Variants in STON2 observed in about 807,000 individuals in gnomAD.
STON2 encodes the protein stonin 2, also known as stonin-2.
In STON2, 29 loss-of-function variants were observed where a neutral mutation model predicts 65.7. The ratio of observed to expected loss-of-function variants is 0.44; its 90% CI spans 0.33 to 0.60. The LOEUF is 0.60. Among genes scored for constraint, STON2 ranks in the 20% least tolerant of loss-of-function variants. The pLI is 0.03. For synonymous variants in STON2, 404 were observed against 414.2 expected (o/e 0.98, Z 0.30); for missense variants, 1,054 against 1,118.1 (o/e 0.94, Z 0.82).
Position 81,262,892 on chromosome 14 carries a change from AAT to A in STON2, c.*5520_*5521del. ...TCACGTTTAATTCCTTAAACACATA[AAT>A]ATGAGTCATGATATCTAAAGCCAGT... On this transcript the variant is annotated 3_prime_UTR_variant, in exon 8 of 8. Coordinates refer to ENST00000614646, the MANE Select transcript of STON2 (RefSeq NM_001394390.1). The A allele has an allele frequency of 1.0e-6, 1 of 985,464 alleles. No homozygotes were observed. Among genetic ancestry groups the A allele is most frequent in the Non-Finnish European group, 1.2e-6 (1 of 829,928 alleles). The allele number at this position is 985,464 out of a possible 1,614,324, so 61.0% of individuals were successfully genotyped here. A position where few individuals can be genotyped will look rare whatever the true frequency, so the allele number is the denominator to read the frequency against.
chr14:81,362,430 C>A (rs1185354007), intron 4 of STON2, among the ~76,000 whole-genome samples: 1 of 152,078 alleles, frequency 6.6e-6, no homozygotes, highest in African/African-American at 2.4e-5. Flanking sequence ...GAATGTAGAA[C>A]AATCAAACTC....
At chr14:81,299,725 G>C (rs993264917) in intron 5 of STON2, among the ~76,000 whole-genome samples, 3 of 151,972 alleles carry the variant, frequency 2.0e-5, no homozygotes, top group African/African-American at 7.2e-5. Context: ...TAAAAATATT[G>C]TTTACTATAG....
Position 81,261,626 on chromosome 14 carries a change from C to A in STON2, c.*6788G>T. 1.4e-6 allele frequency: 1 copy of A among 731,558 alleles called. No homozygotes were observed. 45.3% of individuals were successfully genotyped at this position (731,558 alleles called of 1,614,324 possible). A position where few individuals can be genotyped will look rare whatever the true frequency, so the allele number is the denominator to read the frequency against. The stretch of plus-strand genomic sequence containing the variant: ...AGGATGTTTACTGAGTGTCCTCCTT[C>A]AATTTTCACAATATTTTATACAAAA... On this transcript the variant is annotated 3_prime_UTR_variant, in exon 8 of 8. Coordinates refer to ENST00000614646, the MANE Select transcript of STON2 (RefSeq NM_001394390.1).
At chr14:81,300,888 G>A (rs891450563) in intron 5 of STON2, among the ~76,000 whole-genome samples, 2 of 152,128 alleles carry the variant, frequency 1.3e-5, no homozygotes, top group African/African-American at 4.8e-5. Flanking sequence ...AATGTTCACA[G>A]CAGCTTTATT....
At chr14:81,426,357 C>T (rs1395056609) in intron 2 of STON2, among the ~76,000 whole-genome samples, 1 of 152,216 alleles carries the variant, frequency 6.6e-6, no homozygotes, top group African/African-American at 2.4e-5. Context: ...CTCGAGCCAG[C>T]TTGAATTTCC....
chr14:81,422,234 G>C (rs1901740194), intron 2 of STON2, among the ~76,000 whole-genome samples: 1 of 152,130 alleles, frequency 6.6e-6, no homozygotes, highest in Non-Finnish European at 1.5e-5. Flanking sequence ...ACAGGAGTGA[G>C]TGAGTTCTCA....
At position 81,278,533 on chromosome 14, in the gene STON2, A is replaced by T; in HGVS notation, c.949T>A (p.Ser317Thr). 6.2e-7 allele frequency: 1 copy of T among 1,613,822 alleles called. No homozygotes were observed. Among genetic ancestry groups the T allele is most frequent in the Non-Finnish European group, 8.5e-7 (1 of 1,179,846 alleles). Residue 317 changes from serine to threonine, a missense_variant, in exon 6 of 8, where the codon TCT (serine) becomes ACT (threonine). Ser to Thr is a moderately conservative substitution (Grantham distance 58). Coordinates refer to ENST00000614646, the MANE Select transcript of STON2 (RefSeq NM_001394390.1). ...PLKPNTPPSASVIPDVPYNSM... is the reference protein window; with the variant it reads ...PLKPNTPPSATVIPDVPYNSM... ...TTATAAGGTACATCTGGGATCACAGATGCACTTGGTGGTGTATTTGGCTTC... is the reference window on the plus strand; with the variant it reads ...TTATAAGGTACATCTGGGATCACAGTTGCACTTGGTGGTGTATTTGGCTTC...
At chr14:81,279,578 C>T (rs140550038) in intron 5 of STON2, among the ~76,000 whole-genome samples, 1,522 of 152,074 alleles carry the variant, frequency 0.01, 29 homozygotes, top group African/African-American at 0.035. Context: ...GTTATCCCAG[C>T]GGCTTGGGAG....
intron 3 of STON2, among the ~76,000 whole-genome samples, chr14:81,380,886 T>A (rs1473679639): frequency 6.6e-6 from 1 of 152,138 alleles, no homozygotes; most frequent in Non-Finnish European, 1.5e-5. Context: ...GCTGATTACC[T>A]GGGTGAAAAA....
At position 81,396,117 on chromosome 14, in the gene STON2, G is replaced by A. The variant is rs770138799; in HGVS notation, c.150C>T (p.Ser50=). The A allele has an allele frequency of 5.5e-5, 89 of 1,614,000 alleles. No homozygotes were observed. The highest frequency in any genetic ancestry group is 3.5e-4 in the South Asian group (32 of 91,082). The change falls in exon 3 of 8, where the codon TCC becomes TCT. Residue 50 remains serine, a synonymous_variant. Coordinates refer to ENST00000614646, the MANE Select transcript of STON2 (RefSeq NM_001394390.1). The part of the protein sequence containing the change: ...SSSPDQSESS[S]GENHVVDGGS... Reference sequence around the variant, plus strand: ...CTCCATCCACCACATGGTTCTCCCCGGAGGAGCTCTCGGACTGGTCTGGGG... The same window carrying A: ...CTCCATCCACCACATGGTTCTCCCCAGAGGAGCTCTCGGACTGGTCTGGGG...
At chr14:81,419,811 C>T (rs1901615097) in intron 2 of STON2, among the ~76,000 whole-genome samples, 1 of 152,192 alleles carries the variant, frequency 6.6e-6, no homozygotes, top group Non-Finnish European at 1.5e-5. Flanking sequence ...TTACAGCAAT[C>T]CCAAGGAAGC....
At chr14:81,309,004 TAG>T (rs1293745637) in intron 5 of STON2, among the ~76,000 whole-genome samples, 52 of 150,524 alleles carry the variant, frequency 3.5e-4, no homozygotes, top group Admixed American at 2.7e-3. Flanking sequence ...GTTCAGCAAC[TAG>T]ATTAACCTTT....
intron 4 of STON2, among the ~76,000 whole-genome samples, chr14:81,350,859 T>A (rs953464298): frequency 1.3e-5 from 2 of 152,328 alleles, no homozygotes; most frequent in South Asian, 2.1e-4. Flanking sequence ...GATACTTTGT[T>A]GAGTGCATGT....
At chr14:81,340,514 C>T (rs1176031179) in intron 4 of STON2, among the ~76,000 whole-genome samples, 1 of 152,166 alleles carries the variant, frequency 6.6e-6, no homozygotes, top group Admixed American at 6.5e-5. Flanking sequence ...CTACGGATTT[C>T]CATAGCTTTT....
intron 4 of STON2, among the ~76,000 whole-genome samples, chr14:81,347,111 A>C (rs1326710015): frequency 6.6e-6 from 1 of 151,920 alleles, no homozygotes; most frequent in South Asian, 2.1e-4. Flanking sequence ...ATAAAAAAAA[A>C]CCCCGAAGAA....
chr14:81,373,092 C>T (rs1899078029), intron 3 of STON2, among the ~76,000 whole-genome samples: 1 of 152,164 alleles, frequency 6.6e-6, no homozygotes, highest in Admixed American at 6.5e-5. Flanking sequence ...TAATGTACTA[C>T]ACGCCCATGT....
upstream of STON2, among the ~76,000 whole-genome samples, chr14:81,404,643 A>G (rs906056811): frequency 4.6e-5 from 7 of 152,132 alleles, no homozygotes; most frequent in South Asian, 2.1e-4. Context: ...AGCTGGGTCT[A>G]TAAGTGCACA....
At chr14:81,364,180 G>C (rs1595398146) in intron 4 of STON2, among the ~76,000 whole-genome samples, 2 of 152,140 alleles carry the variant, frequency 1.3e-5, no homozygotes, top group Non-Finnish European at 1.5e-5. Context: ...AAAATCTCTA[G>C]GGATATCCTA....
chr14:81,267,368 TG>T lies in STON2; in HGVS notation c.*1045del, dbSNP rs1894397971. 1 of 985,266 alleles carries T rather than the reference TG, an allele frequency of 1.0e-6. No homozygotes were observed. The highest frequency in any genetic ancestry group is 1.2e-6 in the Non-Finnish European group (1 of 829,938). The allele number at this position is 985,266 out of a possible 1,614,324, so 61.0% of individuals were successfully genotyped here. ...ACTGTGATTATCAAACTCTGAATTT[TG>T]GGGGAAAGCTCATTCAAGCTTAATT... On this transcript the variant is annotated 3_prime_UTR_variant, in exon 8 of 8. Transcript: ENST00000614646.
Sources: gnomAD v4.1 joint callset for allele counts (sites outside exome capture counted in the v4.1 genomes callset) on GRCh38, gnomAD v4.1.1 for gene constraint, MANE v1.5 for transcripts, NCBI Gene and HGNC (gene_info 2026-07-23, HGNC 2026-07-21) for gene names.